CAMKK2: variants seen among roughly 807,000 people sequenced by gnomAD.
CAMKK2 encodes calcium/calmodulin-dependent protein kinase kinase 2.
In CAMKK2, 30 loss-of-function variants were observed where a neutral mutation model predicts 67.2. That is an observed-to-expected ratio of 0.45 (90% CI 0.33 to 0.61). The LOEUF is 0.61. CAMKK2 is among the 20% of genes least tolerant of loss of function. CAMKK2 has a pLI of 0.02. For synonymous variants in CAMKK2, 322 were observed against 326.2 expected (o/e 0.99, Z 0.14); for missense variants, 643 against 802.0 (o/e 0.80, Z 2.39).
chr12:121,249,453 G>A (rs924280069), intron 13 of CAMKK2, among the ~76,000 whole-genome samples: 7 of 152,324 alleles, frequency 4.6e-5, no homozygotes, highest in Middle Eastern at 3.4e-3. Context: ...TCAAAGGGAC[G>A]GGCCTTTGGA....
intron 14 of CAMKK2, among the ~76,000 whole-genome samples, chr12:121,246,259 G>T (rs976306572): frequency 4.0e-5 from 6 of 150,554 alleles, no homozygotes; most frequent in South Asian, 2.2e-4. Context: ...GGAGCGGGGG[G>T]GGGGAGGCGG....
At chr12:121,288,328 C>T (rs1899200974) in intron 1 of CAMKK2, among the ~76,000 whole-genome samples, 1 of 152,190 alleles carries the variant, frequency 6.6e-6, no homozygotes, top group Admixed American at 6.5e-5. Context: ...GCCCCTCTCC[C>T]TCCCTCCTCC....
At chr12:121,267,022 CTTTTTTTTTTTTTTTT>C (rs58762246) in intron 5 of CAMKK2, among the ~76,000 whole-genome samples, 1 of 30,766 alleles carries the variant, frequency 3.3e-5, no homozygotes, top group Non-Finnish European at 5.4e-5. Context: ...GTGCTCTGGC[CTTTTTTTTTTTTTTTT>C]TTTTTTTTTT....
Position 121,238,210 on chromosome 12 carries a change from G to A in CAMKK2, c.*2489C>T, listed in dbSNP as rs1337360682. 6.6e-6 allele frequency: 1 copy of A among 152,364 alleles called. No individual in the cohort carries two copies. The highest frequency in any genetic ancestry group is 1.5e-5 in the Non-Finnish European group (1 of 68,122). 9.4% of individuals were successfully genotyped at this position (152,364 alleles called of 1,614,324 possible). The stretch of plus-strand genomic sequence containing the variant: ...CAAGGGGCTCAATAAGGCTTTCTGG[G>A]AGCCACTGGCAGCTGGTGGGATGGA... On this transcript the variant is annotated 3_prime_UTR_variant, in exon 17 of 17. Coordinates refer to ENST00000404169, the MANE Select transcript of CAMKK2 (RefSeq NM_001270485.2).
intron 5 of CAMKK2, among the ~76,000 whole-genome samples, chr12:121,265,991 G>A (rs1894449466): frequency 6.6e-6 from 1 of 152,166 alleles, no homozygotes; most frequent in Admixed American, 6.6e-5. Flanking sequence ...GAGTGCAGTG[G>A]CGCAATCAAG....
intron 1 of CAMKK2, among the ~76,000 whole-genome samples, chr12:121,282,236 C>T (rs887863459): frequency 6.6e-6 from 1 of 151,800 alleles, no homozygotes. Flanking sequence ...GTCTGGAGCC[C>T]GGGAGCAGGA....
At chr12:121,271,273 C>CAAAAAAAAAAAAAAAAAAAAAAAAAAA (rs11332649) in intron 2 of CAMKK2, among the ~76,000 whole-genome samples, 1 of 112,966 alleles carries the variant, frequency 8.9e-6, no homozygotes, top group African/African-American at 3.4e-5. Flanking sequence ...AACTGTGTCT[C>CAAAAAAAAAAAAAAAAAAAAAAAAAAA]AAAAAAAAAA....
At chr12:121,256,180 A>G (rs961222450) in intron 7 of CAMKK2, among the ~76,000 whole-genome samples, 1 of 152,192 alleles carries the variant, frequency 6.6e-6, no homozygotes, top group Non-Finnish European at 1.5e-5. Context: ...AGAGCTCGAG[A>G]CCAGCCTGGC....
intron 4 of CAMKK2, 145 bp downstream of exon 4, chr12:121,269,383 C>G: frequency 1.5e-6 from 1 of 677,106 alleles, no homozygotes; most frequent in South Asian, 1.8e-5. Context: ...ATGGGCATAC[C>G]ACTTCCTTCC....
At position 121,244,676 on chromosome 12, in the gene CAMKK2, G is replaced by A. The variant is rs1330595039; in HGVS notation, c.1554-61C>T. The stretch of plus-strand genomic sequence containing the variant: ...AAGGGACCCTTGGGATCCACGGGAT[G>A]CCCGTTCCCCCACCCTGAGACACTC... On this transcript the variant is annotated intron_variant, in intron 15 of 16. Transcript: ENST00000404169. 10 of 1,352,554 alleles carry A rather than the reference G, an allele frequency of 7.4e-6. No homozygotes were observed. The East Asian group carries it at 2.5e-4, about 34-fold the overall frequency. 83.8% of individuals were successfully genotyped at this position (1,352,554 alleles called of 1,614,324 possible). A position where few individuals can be genotyped will look rare whatever the true frequency, so the allele number is the denominator to read the frequency against.
intron 15 of CAMKK2, 28 bp from the exon 16 acceptor site, chr12:121,244,643 G>T: frequency 6.5e-7 from 1 of 1,544,420 alleles, no homozygotes; most frequent in South Asian, 1.2e-5. Context: ...AGGGAAAAGG[G>T]AAGTGAGAAG....
rs994474748 is a variant in CAMKK2, at chr12:121,238,153, T to C, written c.*2546A>G. On this transcript the variant is annotated 3_prime_UTR_variant, in exon 17 of 17. Transcript: ENST00000404169. Reference sequence around the variant, plus strand: ...TGCCTCTCAGGAAAGGCCAGACCAGTAGGGAGAGGCCTCCGCAGCCCCAAG... The same window carrying C: ...TGCCTCTCAGGAAAGGCCAGACCAGCAGGGAGAGGCCTCCGCAGCCCCAAG... The C allele has an allele frequency of 5.9e-5, 9 of 152,168 alleles. No individual in the cohort carries two copies. Among genetic ancestry groups the C allele is most frequent in the Non-Finnish European group, 1.2e-4 (8 of 68,048 alleles). 9.4% of individuals were successfully genotyped at this position (152,168 alleles called of 1,614,324 possible).
chr12:121,288,033 A>T (rs1899117180), intron 1 of CAMKK2, among the ~76,000 whole-genome samples: 1 of 152,180 alleles, frequency 6.6e-6, no homozygotes, highest in Non-Finnish European at 1.5e-5. Flanking sequence ...GGGTGGCCCC[A>T]GCCTTGAAGT....
rs114907945 is a variant in CAMKK2, at chr12:121,274,329, G to A, written c.198C>T (p.Leu66=). Residue 66 remains leucine, a synonymous_variant, in exon 2 of 17, where the codon CTC becomes CTT. Transcript: ENST00000404169. ...CCAGGGGCCGGTCCCGCGCCAAGCC[G>A]AGGTCCACAGCACAGCCCGGCTCAC... The part of the protein sequence containing the change: ...TECEPGCAVD[L]GLARDRPLEA... 219 of 1,613,384 alleles carry A rather than the reference G, an allele frequency of 1.4e-4. No homozygotes were observed. The East Asian group carries it at 4.1e-3, about 30-fold the overall frequency.
In CAMKK2 at chr12:121,240,243, T is replaced by C. The variant is rs200971400; in HGVS notation, c.*456A>G. The C allele has an allele frequency of 8.1e-6, 5 of 616,546 alleles. No individual in the cohort carries two copies. In the East Asian group the frequency reaches 1.1e-4, roughly 14 times the overall value. 38.2% of individuals were successfully genotyped at this position (616,546 alleles called of 1,614,324 possible). A position where few individuals can be genotyped will look rare whatever the true frequency, so the allele number is the denominator to read the frequency against. ...AGGTGCCATGGTTTCCGGTTTGCAC[T>C]AGGAGCCACATCTAGCCCCCTACTC... On this transcript the variant is annotated 3_prime_UTR_variant, in exon 17 of 17. Transcript: ENST00000404169. The surrounding 1 kb of genome is among the most constrained non-coding windows in gnomAD (Gnocchi z 4.4).
At chr12:121,284,147 C>T (rs1467725468) in intron 1 of CAMKK2, among the ~76,000 whole-genome samples, 1 of 152,250 alleles carries the variant, frequency 6.6e-6, no homozygotes, top group Non-Finnish European at 1.5e-5. Context: ...TTTCAAGTCA[C>T]TGAATGTCAG....
At chr12:121,259,633 T>C in intron 7 of CAMKK2, among the ~76,000 whole-genome samples, 1 of 152,258 alleles carries the variant, frequency 6.6e-6, no homozygotes. Context: ...AATTATTTAT[T>C]GAATGTTTTT....
At chr12:121,264,442 G>T (rs951133470) in intron 5 of CAMKK2, among the ~76,000 whole-genome samples, 1 of 151,996 alleles carries the variant, frequency 6.6e-6, no homozygotes, top group African/African-American at 2.4e-5. Flanking sequence ...TTCAAGACCA[G>T]CCTGGGCAAC....
chr12:121,278,779 T>C (rs1897238037), intron 1 of CAMKK2, among the ~76,000 whole-genome samples: 1 of 152,232 alleles, frequency 6.6e-6, no homozygotes, highest in South Asian at 2.1e-4. Flanking sequence ...CTCGGGTATG[T>C]CTTTATCAGC....
Sources: gnomAD v4.1 joint callset for allele counts (sites outside exome capture counted in the v4.1 genomes callset) on GRCh38, gnomAD v4.1.1 for gene constraint, Gnocchi (gnomAD v3.1) non-coding constraint, MANE v1.5 for transcripts, NCBI Gene and HGNC (gene_info 2026-07-23, HGNC 2026-07-21) for gene names.